UBE2Q2: variants seen among roughly 807,000 people sequenced by gnomAD.
UBE2Q2 encodes ubiquitin conjugating enzyme E2 Q2.
UBE2Q2 carries 54 observed loss-of-function variants against 59.9 expected under a neutral mutation model. That is an observed-to-expected ratio of 0.90 (90% CI 0.72 to 1.13). UBE2Q2 has a LOEUF of 1.13. Ranked by LOEUF, UBE2Q2 falls within the 50% of genes most tolerant of loss-of-function variation. UBE2Q2 has a pLI of 0.00. For synonymous variants in UBE2Q2, 165 were observed against 155.2 expected (o/e 1.06, Z -0.47); for missense variants, 433 against 441.9 (o/e 0.98, Z 0.18).
In UBE2Q2 at chr15:75,843,575, G is replaced by A. The variant is rs574000774; in HGVS notation, c.-92G>A. The A allele has an allele frequency of 2.7e-6, 3 of 1,109,288 alleles. No homozygotes were observed. Among genetic ancestry groups the A allele is most frequent in the African/African-American group, 1.7e-5 (1 of 59,084 alleles). The allele number at this position is 1,109,288 out of a possible 1,614,324, so 68.7% of individuals were successfully genotyped here. A position where few individuals can be genotyped will look rare whatever the true frequency, so the allele number is the denominator to read the frequency against. ...AGCGCGGCCCAGGCCGGCCCCGCGGGGCGGTCGCGGCCGTGACGGCGGCTC... is the reference window on the plus strand; with the variant it reads ...AGCGCGGCCCAGGCCGGCCCCGCGGAGCGGTCGCGGCCGTGACGGCGGCTC... On this transcript the variant is annotated 5_prime_UTR_variant, in exon 1 of 13. Transcript: ENST00000267938.
chr15:75,898,087 T>G (rs1458763562), intron 12 of UBE2Q2, among the ~76,000 whole-genome samples: 1 of 152,180 alleles, frequency 6.6e-6, no homozygotes, highest in Non-Finnish European at 1.5e-5. Context: ...CTTTGATACT[T>G]TATAGATCTT....
Position 75,862,329 on chromosome 15 carries a change from G to A in UBE2Q2, c.387+2347G>A, listed in dbSNP as rs1447047981. Among the ~76,000 whole-genome samples the A allele has an allele frequency of 3.3e-5, 5 of 151,012 alleles. No individual in the cohort carries two copies. In the East Asian group the frequency reaches 9.7e-4, roughly 29 times the overall value. ...TTTTGTTCCATGGTTGTATTCATAAGTGTCTTTAAGGAGCTATTTTGATAC... is the reference window on the plus strand; with the variant it reads ...TTTTGTTCCATGGTTGTATTCATAAATGTCTTTAAGGAGCTATTTTGATAC... On this transcript the variant is annotated intron_variant, in intron 3 of 12. Transcript: ENST00000267938.
intron 11 of UBE2Q2, among the ~76,000 whole-genome samples, chr15:75,893,607 G>T (rs1293992754): frequency 6.6e-6 from 1 of 152,084 alleles, no homozygotes; most frequent in South Asian, 2.1e-4. Flanking sequence ...ATAGACCTCT[G>T]TACCCAATAA....
chr15:75,885,120 G>T lies in UBE2Q2; in HGVS notation c.884+1696G>T, dbSNP rs182203982. Among the ~76,000 whole-genome samples, 34 of 151,104 alleles carry T rather than the reference G, an allele frequency of 2.3e-4. 1 individual carries two copies. Among genetic ancestry groups the T allele is most frequent in the Non-Finnish European group, 4.7e-4 (32 of 67,726 alleles). On this transcript the variant is annotated intron_variant, in intron 9 of 12. Coordinates refer to ENST00000267938, the MANE Select transcript of UBE2Q2 (RefSeq NM_173469.4). ...TTCTGTAAGCACTAATAGTAGTGGG[G>T]TTTTTTTTTATTTGTTTTTTGAGAC...
At chr15:75,879,429 G>T (rs1272127860) in intron 8 of UBE2Q2, among the ~76,000 whole-genome samples, 1 of 152,170 alleles carries the variant, frequency 6.6e-6, no homozygotes, top group African/African-American at 2.4e-5. Flanking sequence ...CCAATAAAAT[G>T]GAGAATTGTG....
Position 75,887,624 on chromosome 15 carries a change from C to T in UBE2Q2, c.885-2811C>T, listed in dbSNP as rs116439762. ...ACTATCACCCTGGCTATTCATCTTT[C>T]TGTATAACTGGTTGAGGAACAGGGG... On this transcript the variant is annotated intron_variant, in intron 9 of 12. Coordinates refer to ENST00000267938, the MANE Select transcript of UBE2Q2 (RefSeq NM_173469.4). Among the ~76,000 whole-genome samples the T allele has an allele frequency of 1.5e-3, 215 of 145,918 alleles. 1 individual carries two copies. The highest frequency in any genetic ancestry group is 5.3e-3 in the African/African-American group (205 of 38,974).
chr15:75,851,684 A>G (rs1896641564), intron 1 of UBE2Q2, among the ~76,000 whole-genome samples: 5 of 152,194 alleles, frequency 3.3e-5, no homozygotes, highest in Admixed American at 2.6e-4. Flanking sequence ...TAACATCGTC[A>G]GTTATCCTTT....
At chr15:75,877,165 A>AAAG (rs1349516222) in intron 6 of UBE2Q2, among the ~76,000 whole-genome samples, 1 of 149,910 alleles carries the variant, frequency 6.7e-6, no homozygotes, top group African/African-American at 2.5e-5. Flanking sequence ...CTGTCAAAAA[A>AAAG]AAAAAAAAAA....
intron 12 of UBE2Q2, among the ~76,000 whole-genome samples, chr15:75,899,105 CAAA>C (rs34292081): frequency 7.2e-5 from 8 of 111,068 alleles, no homozygotes; most frequent in Non-Finnish European, 7.3e-5. Flanking sequence ...TACTAAATAC[CAAA>C]AAAAAAAAAA....
intron 3 of UBE2Q2, among the ~76,000 whole-genome samples, chr15:75,866,370 G>A (rs557078202): frequency 2.1e-4 from 32 of 152,084 alleles, no homozygotes; most frequent in African/African-American, 7.7e-4. Context: ...GTAGAGATGT[G>A]TTTTCACCAT....
intron 1 of UBE2Q2, chr15:75,844,181 C>T (rs753931999): frequency 7.6e-6 from 11 of 1,444,246 alleles, no homozygotes; most frequent in Non-Finnish European, 1.0e-5. Flanking sequence ...CCGGCCTGCT[C>T]CCGGGACCGG....
chr15:75,890,833 G>A (rs1221410951), intron 10 of UBE2Q2, 86 bp from the exon 11 acceptor site: 1 of 1,115,520 alleles, frequency 9.0e-7, no homozygotes, highest in Non-Finnish European at 1.3e-6. Context: ...ATTTGCTGCT[G>A]TTGAGTTATA....
chr15:75,860,828 GTTTC>G (rs1168084833), intron 3 of UBE2Q2, among the ~76,000 whole-genome samples: 1 of 152,076 alleles, frequency 6.6e-6, no homozygotes, highest in Admixed American at 6.5e-5. Context: ...TAGATCCATT[GTTTC>G]TTGGATCCCA....
chr15:75,860,050 G>T, intron 3 of UBE2Q2, 68 bp downstream of exon 3: 1 of 1,131,572 alleles, frequency 8.8e-7, no homozygotes, highest in Non-Finnish European at 1.3e-6. Context: ...AAACTAGGAT[G>T]ATTTTTCTTT....
intron 3 of UBE2Q2, among the ~76,000 whole-genome samples, chr15:75,865,804 GT>G (rs199640921): frequency 0.03 from 2,544 of 86,126 alleles, 58 homozygotes; most frequent in African/African-American, 0.067. Context: ...ATATCTGGTT[GT>G]TTTTTTTTTT....
At chr15:75,865,688 G>A (rs1220703256) in intron 3 of UBE2Q2, among the ~76,000 whole-genome samples, 1 of 152,154 alleles carries the variant, frequency 6.6e-6, no homozygotes, top group Non-Finnish European at 1.5e-5. Flanking sequence ...TGCATTATCA[G>A]TAATCGTTTA....
At chr15:75,849,972 A>G (rs1896548164) in intron 1 of UBE2Q2, among the ~76,000 whole-genome samples, 1 of 152,242 alleles carries the variant, frequency 6.6e-6, no homozygotes, top group African/African-American at 2.4e-5. Context: ...TTCAAGATAG[A>G]TATAAAGCTT....
intron 9 of UBE2Q2, among the ~76,000 whole-genome samples, 177 bp from the exon 10 acceptor site, chr15:75,890,258 A>C (rs2141666000): frequency 6.6e-6 from 1 of 152,356 alleles, no homozygotes; most frequent in Non-Finnish European, 1.5e-5. Flanking sequence ...CATTAGCATG[A>C]TAACATTAGA....
At chr15:75,869,105 G>GCTTT in intron 4 of UBE2Q2, 95 bp downstream of exon 4, 3 of 1,030,648 alleles carry the variant, frequency 2.9e-6, no homozygotes, top group Non-Finnish European at 4.3e-6. Context: ...CTATTAATGT[G>GCTTT]GAATAATTGA....
Sources: gnomAD v4.1 joint callset for allele counts (sites outside exome capture counted in the v4.1 genomes callset) on GRCh38, gnomAD v4.1.1 for gene constraint, MANE v1.5 for transcripts, NCBI Gene and HGNC (gene_info 2026-07-23, HGNC 2026-07-21) for gene names.